The following TNFAIP8 variants were observed in gnomAD, a reference collection of about 807,000 sequenced individuals.
The protein encoded by TNFAIP8 is tumor necrosis factor alpha-induced protein 8.
In TNFAIP8, 7 loss-of-function variants were observed where a neutral mutation model predicts 13.3. The ratio of observed to expected loss-of-function variants is 0.52; its 90% CI spans 0.30 to 0.99. TNFAIP8 has a LOEUF of 0.99. Among genes scored for constraint, TNFAIP8 ranks in the 50% least tolerant of loss-of-function variants. TNFAIP8 has a pLI of 0.07. For synonymous variants in TNFAIP8, 94 were observed against 87.6 expected, an observed-to-expected ratio of 1.07 and a Z score of -0.41; for missense variants, 258 against 236.9, an observed-to-expected ratio of 1.09 and a Z score of -0.58.
chr5:119,277,487 G>A (rs886341196), intron 1 of TNFAIP8, among the ~76,000 whole-genome samples: 6 of 151,880 alleles, frequency 4.0e-5, no homozygotes. Flanking sequence ...TCAGCTTGTT[G>A]TTTGTGCGCA....
intron 1 of TNFAIP8, chr5:119,268,938 G>A (rs747848578): frequency 2.9e-6 from 2 of 695,430 alleles, no homozygotes; most frequent in South Asian, 1.5e-5. Context: ...CCCGTCCCGC[G>A]CACACTCCAG....
chr5:119,383,312 C>T (rs1752554968), intron 1 of TNFAIP8, among the ~76,000 whole-genome samples: 2 of 152,178 alleles, frequency 1.3e-5, no homozygotes, highest in African/African-American at 2.4e-5. Context: ...GATCTGTTGT[C>T]ATGGTGTAAT....
At chr5:119,291,139 TG>T (rs542603953) in intron 1 of TNFAIP8, among the ~76,000 whole-genome samples, 87 of 152,388 alleles carry the variant, frequency 5.7e-4, no homozygotes, top group African/African-American at 2.0e-3. Context: ...GTAACACTTT[TG>T]CCCATGTCCC....
At chr5:119,370,514 C>A (rs1294278058) in intron 1 of TNFAIP8, among the ~76,000 whole-genome samples, 1 of 152,156 alleles carries the variant, frequency 6.6e-6, no homozygotes, top group Non-Finnish European at 1.5e-5. Flanking sequence ...CCTGGAAGTT[C>A]TATAAAATAA....
intron 1 of TNFAIP8, among the ~76,000 whole-genome samples, chr5:119,326,047 A>C (rs943998160): frequency 2.6e-5 from 4 of 152,174 alleles, no homozygotes; most frequent in African/African-American, 9.7e-5. Context: ...ACTGAATGTC[A>C]GTTTTGTAAC....
chr5:119,289,703 A>G (rs1393271622), intron 1 of TNFAIP8, among the ~76,000 whole-genome samples: 1 of 152,148 alleles, frequency 6.6e-6, no homozygotes, highest in Non-Finnish European at 1.5e-5. Flanking sequence ...GCCTTGCTCC[A>G]ATGCCCATTT....
chr5:119,349,983 CATT>C (rs1444547899), intron 1 of TNFAIP8, among the ~76,000 whole-genome samples: 58 of 152,338 alleles, frequency 3.8e-4, no homozygotes, highest in African/African-American at 1.4e-3. Flanking sequence ...GTCTAAAGAA[CATT>C]ATTACTTAGT....
intron 1 of TNFAIP8, among the ~76,000 whole-genome samples, chr5:119,376,565 C>CCA: frequency 6.7e-6 from 1 of 150,098 alleles, no homozygotes; most frequent in African/African-American, 2.5e-5. Flanking sequence ...TCTTCCCACC[C>CCA]CCCCCGTCTT....
intron 1 of TNFAIP8, among the ~76,000 whole-genome samples, chr5:119,341,654 C>T (rs1198341916): frequency 6.6e-6 from 1 of 152,094 alleles, no homozygotes; most frequent in Non-Finnish European, 1.5e-5. Flanking sequence ...CCAAAATTTT[C>T]ACCCACAGAT....
chr5:119,364,579 C>T (rs1376471870), intron 1 of TNFAIP8, among the ~76,000 whole-genome samples: 2 of 152,094 alleles, frequency 1.3e-5, no homozygotes, highest in Non-Finnish European at 2.9e-5. Flanking sequence ...AACTCATGAG[C>T]TCAAGCAGTC....
chr5:119,390,533 A>T (rs558033372), intron 1 of TNFAIP8, among the ~76,000 whole-genome samples: 8 of 152,380 alleles, frequency 5.3e-5, no homozygotes, highest in African/African-American at 1.9e-4. Context: ...ACTTCTCCAT[A>T]AAGTTGGCTG....
intron 1 of TNFAIP8, among the ~76,000 whole-genome samples, chr5:119,283,742 C>T (rs894460480): frequency 6.6e-6 from 1 of 152,184 alleles, no homozygotes; most frequent in Non-Finnish European, 1.5e-5. Flanking sequence ...GGAGGCAGCT[C>T]ATGAGCCTGA....
intron 1 of TNFAIP8, among the ~76,000 whole-genome samples, chr5:119,270,755 T>A (rs1748269172): frequency 6.6e-6 from 1 of 152,226 alleles, no homozygotes; most frequent in Non-Finnish European, 1.5e-5. Context: ...ATTGAATGTG[T>A]TGTGTTAAGC....
At chr5:119,386,576 C>CT (rs1752681774) in intron 1 of TNFAIP8, among the ~76,000 whole-genome samples, 2 of 152,240 alleles carry the variant, frequency 1.3e-5, no homozygotes, top group South Asian at 2.1e-4. Context: ...ACCATTTTCT[C>CT]TGACATGTCT....
At chr5:119,325,926 T>C (rs1466539201) in intron 1 of TNFAIP8, among the ~76,000 whole-genome samples, 1 of 152,248 alleles carries the variant, frequency 6.6e-6, no homozygotes, top group Non-Finnish European at 1.5e-5. Flanking sequence ...CCAATGCCAC[T>C]TCTGCTAGAG....
At chr5:119,272,265 T>C (rs1191418114) in intron 1 of TNFAIP8, among the ~76,000 whole-genome samples, 1 of 152,194 alleles carries the variant, frequency 6.6e-6, no homozygotes, top group Non-Finnish European at 1.5e-5. Context: ...TAAGTCCAGC[T>C]TGCAGGAGGA....
intron 1 of TNFAIP8, among the ~76,000 whole-genome samples, chr5:119,337,314 T>A (rs571611975): frequency 1.3e-5 from 2 of 152,384 alleles, no homozygotes; most frequent in Non-Finnish European, 2.9e-5. Context: ...TTTATTTGTA[T>A]ATGTTGTCTA....
intron 1 of TNFAIP8, among the ~76,000 whole-genome samples, chr5:119,293,197 TC>T (rs1360310552): frequency 1.3e-5 from 2 of 152,186 alleles, no homozygotes; most frequent in African/African-American, 2.4e-5. Context: ...CCCTTTTTTT[TC>T]ATATGTGGTG....
At chr5:119,354,367 C>T (rs1222120564), upstream of TNFAIP8, 2 of 152,170 alleles carry the variant, frequency 1.3e-5, no homozygotes, top group Non-Finnish European at 2.9e-5. Flanking sequence ...TCATCCTGCT[C>T]TTTCAGTGAA....
Sources: gnomAD v4.1 joint callset for allele counts (sites outside exome capture counted in the v4.1 genomes callset) on GRCh38, gnomAD v4.1.1 for gene constraint, MANE v1.5 for transcripts, NCBI Gene and HGNC (gene_info 2026-07-23, HGNC 2026-07-21) for gene names.